The following SUPT16H variants were observed in gnomAD, a reference collection of about 807,000 sequenced individuals.
The protein encoded by SUPT16H is FACT complex subunit SPT16.
Under a neutral mutation model 136.2 loss-of-function variants are expected in SUPT16H, and 24 were observed. That is an observed-to-expected ratio of 0.18 (90% CI 0.13 to 0.25). The LOEUF (loss-of-function observed/expected upper bound fraction) is 0.25, where lower values mean the gene tolerates loss of function less well. Among genes scored for constraint, SUPT16H ranks in the 10% least tolerant of loss-of-function variants. SUPT16H has a pLI of 1.00. For synonymous variants in SUPT16H, 415 were observed against 428.2 expected (o/e 0.97, Z 0.38); for missense variants, 623 against 1,270.2 (o/e 0.49, Z 7.74).
At chr14:21,371,749 T>G in intron 3 of SUPT16H, 125 bp downstream of exon 3, 1 of 1,138,730 alleles carries the variant, frequency 8.8e-7, no homozygotes. Flanking sequence ...GACAGAACTT[T>G]GTAATTACAA....
In SUPT16H at chr14:21,370,000, A is replaced by G. The variant is rs998522129; in HGVS notation, c.484-104T>C. The G allele has an allele frequency of 3.7e-6, 5 of 1,368,996 alleles. No homozygotes were observed. The African/African-American group carries it at 7.2e-5, about 20-fold the overall frequency. The allele number at this position is 1,368,996 out of a possible 1,614,324, so 84.8% of individuals were successfully genotyped here. On this transcript the variant is annotated intron_variant, in intron 4 of 25. Coordinates refer to ENST00000216297, the MANE Select transcript of SUPT16H (RefSeq NM_007192.4). Reference sequence around the variant, plus strand: ...ACCAGTGATATTTCTGTTATTTAGCAAACTATCACTGGTTTGCAGAATATT... The same window carrying G: ...ACCAGTGATATTTCTGTTATTTAGCGAACTATCACTGGTTTGCAGAATATT...
At chr14:21,357,866 AC>A (rs764152204) in intron 21 of SUPT16H, 60 bp downstream of exon 21, 19 of 1,444,510 alleles carry the variant, frequency 1.3e-5, no homozygotes, top group Non-Finnish European at 1.7e-5. Flanking sequence ...GATAAAAAAC[AC>A]CTATCCTTCT....
At chr14:21,354,387 A>G (rs1477877779) in intron 23 of SUPT16H, 24 bp downstream of exon 23, 7 of 1,612,494 alleles carry the variant, frequency 4.3e-6, no homozygotes, top group East Asian at 2.2e-5. Flanking sequence ...TGTGTACCAG[A>G]AAAGAAACCC....
chr14:21,384,005 AT>A lies in SUPT16H; in HGVS notation c.-79del. The A allele has an allele frequency of 6.5e-7, 1 of 1,535,748 alleles. No individual in the cohort carries two copies. Among genetic ancestry groups the A allele is most frequent in the Non-Finnish European group, 9.0e-7 (1 of 1,110,994 alleles). On this transcript the variant is annotated 5_prime_UTR_variant, in exon 1 of 26. Transcript: ENST00000216297. The stretch of plus-strand genomic sequence containing the variant: ...TCAGCCACCCGCTCTCGGCCCAGGA[AT>A]CCCGCACTCTCCCAATGACCCGGAA...
chr14:21,362,309 C>T lies in SUPT16H; in HGVS notation c.1681G>A (p.Val561Met). 6.2e-7 allele frequency: 1 copy of T among 1,613,818 alleles called. No homozygotes were observed. Among genetic ancestry groups the T allele is most frequent in the Non-Finnish European group, 8.5e-7 (1 of 1,179,888 alleles). Residue 561 changes from valine (V) to methionine (M), a missense_variant, in exon 15 of 26, where the codon GTG (valine) becomes ATG (methionine). By Grantham distance (21) the Val-to-Met change is conservative (BLOSUM62 1). Coordinates refer to ENST00000216297, the MANE Select transcript of SUPT16H (RefSeq NM_007192.4). ...CGCAAGTAAGTATAATCTCCTTCCACGGACATACTTATATTCTGTTCAAAG... is the reference window on the plus strand; with the variant it reads ...CGCAAGTAAGTATAATCTCCTTCCATGGACATACTTATATTCTGTTCAAAG... ...IATIKNISMS[V>M]EGDYTYLRIN...
At chr14:21,355,823 T>C (rs1201790737) in intron 22 of SUPT16H, among the ~76,000 whole-genome samples, 2 of 152,164 alleles carry the variant, frequency 1.3e-5, no homozygotes, top group Admixed American at 6.5e-5. Flanking sequence ...TGAGAACCAC[T>C]GGCATAAATC....
intron 18 of SUPT16H, 44 bp downstream of exon 18, chr14:21,360,371 T>G (rs1886526568): frequency 7.2e-7 from 1 of 1,383,570 alleles, no homozygotes; most frequent in Non-Finnish European, 1.0e-6. Flanking sequence ...TGAAATGAAG[T>G]GTCTTGCCCA....
At chr14:21,380,619 T>C (rs1256427951) in intron 1 of SUPT16H, among the ~76,000 whole-genome samples, 1 of 152,194 alleles carries the variant, frequency 6.6e-6, no homozygotes, top group Non-Finnish European at 1.5e-5. Context: ...AGTCTTCCAC[T>C]ACCCCAATCC....
chr14:21,381,460 G>A (rs1887020725), intron 1 of SUPT16H, among the ~76,000 whole-genome samples: 1 of 151,928 alleles, frequency 6.6e-6, no homozygotes, highest in Non-Finnish European at 1.5e-5. Flanking sequence ...GGAACTACCA[G>A]GTTCAACCAC....
At chr14:21,370,780 A>C (rs1053114062) in intron 3 of SUPT16H, among the ~76,000 whole-genome samples, 22 of 151,398 alleles carry the variant, frequency 1.5e-4, no homozygotes, top group African/African-American at 5.3e-4. Context: ...TGCCTGGATA[A>C]ATTTTTTTTT....
At chr14:21,366,193 G>A (rs1886662388) in intron 8 of SUPT16H, among the ~76,000 whole-genome samples, 1 of 152,202 alleles carries the variant, frequency 6.6e-6, no homozygotes, top group Non-Finnish European at 1.5e-5. Context: ...CCTAACATCT[G>A]TAATTATATC....
intron 1 of SUPT16H, among the ~76,000 whole-genome samples, chr14:21,379,633 G>A (rs1033996902): frequency 6.6e-6 from 1 of 151,888 alleles, no homozygotes; most frequent in African/African-American, 2.4e-5. Context: ...TGGGCGGATC[G>A]CTTGAGCCCA....
chr14:21,361,416 A>T, intron 15 of SUPT16H: 1 of 607,930 alleles, frequency 1.6e-6, no homozygotes. Context: ...TCCTGGGTTC[A>T]AGCCATCCTC....
chr14:21,353,734 A>G lies in SUPT16H; in HGVS notation c.2889T>C (p.Asp963=), dbSNP rs775289634. ...DDYEEEEEDS[D]EDYSSEAEES... ...CTTCTGCTTCTGATGAATAATCTTC[A>G]TCACTGTCCTCCTCTTCCTCTTCAT... The change falls in exon 24 of 26, where the codon GAT becomes GAC. Residue 963 remains aspartate (D), a synonymous_variant. Transcript: ENST00000216297. 1.2e-5 allele frequency: 19 copies of G among 1,613,948 alleles called. No individual in the cohort carries two copies. The highest frequency in any genetic ancestry group is 1.6e-5 in the Non-Finnish European group (19 of 1,179,922).
chr14:21,380,361 C>T (rs1200611425), intron 1 of SUPT16H, among the ~76,000 whole-genome samples: 1 of 139,744 alleles, frequency 7.2e-6, no homozygotes, highest in African/African-American at 2.6e-5. Context: ...GTCTTGAACT[C>T]CTGGACTCAA....
At chr14:21,361,477 C>G in intron 15 of SUPT16H, 1 of 487,806 alleles carries the variant, frequency 2.0e-6, no homozygotes, top group Non-Finnish European at 3.7e-6. Context: ...CCACCATGCC[C>G]GGCTAGTTTT....
rs1488304604 is a variant in SUPT16H, at chr14:21,351,789, G to A, written c.*884C>T. ...AGGAGCAGCAGTGCCGAGAGGCTGT[G>A]TTGTAGATATGGCCTCCCTTCCTCT... On this transcript the variant is annotated 3_prime_UTR_variant, in exon 26 of 26. Transcript: ENST00000216297. 4 of 152,968 alleles carry A rather than the reference G, an allele frequency of 2.6e-5. No homozygotes were observed. Among genetic ancestry groups the A allele is most frequent in the Non-Finnish European group, 4.4e-5 (3 of 68,278 alleles). The allele number at this position is 152,968 out of a possible 1,614,324, so 9.5% of individuals were successfully genotyped here. A position where few individuals can be genotyped will look rare whatever the true frequency, so the allele number is the denominator to read the frequency against.
intron 8 of SUPT16H, among the ~76,000 whole-genome samples, chr14:21,365,548 T>C (rs1397079744): frequency 1.3e-5 from 2 of 152,224 alleles, no homozygotes; most frequent in Non-Finnish European, 2.9e-5. Flanking sequence ...TTCGTAAGAC[T>C]TGTTATATAG....
intron 1 of SUPT16H, among the ~76,000 whole-genome samples, chr14:21,379,441 G>GAA (rs35245464): frequency 0.017 from 2,274 of 133,778 alleles, 28 homozygotes; most frequent in Middle Eastern, 0.023. Context: ...CTCAAAAAAA[G>GAA]AAAAAAAAAA....
Sources: allele counts gnomAD v4.1 joint callset (sites outside exome capture counted in the v4.1 genomes callset), GRCh38; gene constraint gnomAD v4.1.1; transcripts MANE v1.5; gene names NCBI Gene and HGNC (gene_info 2026-07-23, HGNC 2026-07-21).